SLC30A8: variants seen among roughly 807,000 people sequenced by gnomAD.
SLC30A8 encodes the protein solute carrier family 30 member 8.
A neutral mutation model predicts 36.9 loss-of-function variants in SLC30A8; 27 were observed. The observed-to-expected ratio is 0.73, with a 90% CI of 0.54 to 1.01. The LOEUF (loss-of-function observed/expected upper bound fraction) is 1.01, where lower values mean the gene tolerates loss of function less well. SLC30A8 is among the 50% of genes least tolerant of loss of function. SLC30A8 has a pLI of 0.00. For synonymous variants in SLC30A8, 164 were observed against 172.4 expected, an observed-to-expected ratio of 0.95 and a Z score of 0.38; for missense variants, 439 against 452.0, an observed-to-expected ratio of 0.97 and a Z score of 0.26.
At chr8:117,152,396 AC>A (rs1822233148) in intron 2 of SLC30A8, among the ~76,000 whole-genome samples, 2 of 152,098 alleles carry the variant, frequency 1.3e-5, no homozygotes. Flanking sequence ...ATTGGAAGGT[AC>A]CTGCCCTTTC....
intron 2 of SLC30A8, among the ~76,000 whole-genome samples, chr8:117,106,208 G>A (rs541535859): frequency 2.2e-4 from 33 of 152,188 alleles, no homozygotes; most frequent in Non-Finnish European, 4.3e-4. Context: ...CTAGCCACAT[G>A]TGGTTTTCGA....
rs144972090 is a variant in SLC30A8, at chr8:117,173,443, G to C, written c.*762G>C. ...TCAAGAACAGCCGACAAAAACATTC[G>C]AGTTGACCCCACCAAGTTGTTGCCA... On this transcript the variant is annotated 3_prime_UTR_variant, in exon 8 of 8. Coordinates refer to ENST00000456015, the MANE Select transcript of SLC30A8 (RefSeq NM_173851.3). 6.6e-6 allele frequency: 1 copy of C among 152,116 alleles called. No homozygotes were observed. Among genetic ancestry groups the C allele is most frequent in the East Asian group, 1.9e-4 (1 of 5,184 alleles). 9.4% of individuals were successfully genotyped at this position (152,116 alleles called of 1,614,324 possible). A position where few individuals can be genotyped will look rare whatever the true frequency, so the allele number is the denominator to read the frequency against.
intron 6 of SLC30A8, 116 bp from the exon 7 acceptor site, chr8:117,170,918 C>A: frequency 1.2e-6 from 1 of 813,720 alleles, no homozygotes; most frequent in South Asian, 2.2e-5. Context: ...AAGTAAGAAA[C>A]CAGCAAAGGG....
At chr8:117,112,069 C>A (rs1020755195) in intron 2 of SLC30A8, among the ~76,000 whole-genome samples, 1 of 152,134 alleles carries the variant, frequency 6.6e-6, no homozygotes, top group African/African-American at 2.4e-5. Flanking sequence ...GATGACATTT[C>A]TTCCGTCTCT....
intron 1 of SLC30A8, among the ~76,000 whole-genome samples, chr8:116,979,853 A>G (rs1563732655): frequency 6.6e-6 from 1 of 152,196 alleles, no homozygotes; most frequent in African/African-American, 2.4e-5. Flanking sequence ...GCCAACAAAT[A>G]GCATTCTCTT....
intron 1 of SLC30A8, among the ~76,000 whole-genome samples, chr8:117,034,375 G>T (rs11781617): frequency 6.6e-6 from 1 of 151,964 alleles, no homozygotes; most frequent in South Asian, 2.1e-4. Flanking sequence ...TTAACTGTCC[G>T]TTGTAATTTA....
intron 2 of SLC30A8, among the ~76,000 whole-genome samples, chr8:117,048,930 T>TTA (rs1817630658): frequency 6.6e-6 from 1 of 152,214 alleles, no homozygotes; most frequent in African/African-American, 2.4e-5. Flanking sequence ...GTATCTTGAT[T>TTA]TACAAAGTGC....
chr8:117,048,797 G>A (rs1471380112), intron 2 of SLC30A8, among the ~76,000 whole-genome samples: 3 of 152,092 alleles, frequency 2.0e-5, no homozygotes, highest in East Asian at 1.9e-4. Context: ...AACATTCATT[G>A]CCAAAAATAA....
chr8:116,961,977 T>C lies in SLC30A8; in HGVS notation c.-266+10858T>C, dbSNP rs141678506. Among the ~76,000 whole-genome samples the C allele has an allele frequency of 2.5e-3, 375 of 152,098 alleles. 8 individuals carry two copies. The highest frequency in any genetic ancestry group is 0.015 in the Admixed American group (230 of 15,268). On this transcript the variant is annotated intron_variant, in intron 1 of 10. Coordinates refer to the SLC30A8 transcript ENST00000427715. Reference sequence around the variant, plus strand: ...CATTAGGGATTAAGTTTCTAACACTTGAATTTCTGGGGAACACATTCAAAT... The same window carrying C: ...CATTAGGGATTAAGTTTCTAACACTCGAATTTCTGGGGAACACATTCAAAT...
chr8:117,042,956 G>A (rs184735021), intron 2 of SLC30A8, among the ~76,000 whole-genome samples: 14 of 152,332 alleles, frequency 9.2e-5, no homozygotes, highest in African/African-American at 3.1e-4. Context: ...GATTACAGGC[G>A]TGAGCCACCG....
chr8:117,102,101 C>T (rs1819750609), intron 2 of SLC30A8, among the ~76,000 whole-genome samples: 1 of 152,034 alleles, frequency 6.6e-6, no homozygotes. Flanking sequence ...TTTAAAAAAT[C>T]ATATTGATGT....
chr8:116,997,566 T>G (rs1437316609), intron 1 of SLC30A8, among the ~76,000 whole-genome samples: 3 of 152,096 alleles, frequency 2.0e-5, no homozygotes, highest in Admixed American at 2.0e-4. Flanking sequence ...AACAGGGAAA[T>G]GAAATTTACT....
intron 3 of SLC30A8, 22 bp from the exon 4 acceptor site, chr8:117,157,669 C>CTG: frequency 6.2e-7 from 1 of 1,613,226 alleles, no homozygotes; most frequent in Non-Finnish European, 8.5e-7. Flanking sequence ...GTGTGGGTTT[C>CTG]TGTGTGTGTT....
intron 1 of SLC30A8, among the ~76,000 whole-genome samples, chr8:116,980,328 G>A (rs1815209301): frequency 6.6e-6 from 1 of 152,176 alleles, no homozygotes; most frequent in South Asian, 2.1e-4. Flanking sequence ...CAGGTGATCT[G>A]TAGGGAGAGT....
intron 2 of SLC30A8, among the ~76,000 whole-genome samples, chr8:117,043,540 T>C (rs992355722): frequency 4.6e-5 from 7 of 152,204 alleles, no homozygotes; most frequent in African/African-American, 1.4e-4. Flanking sequence ...ATAAAGGTGA[T>C]TGATAAAGAT....
intron 6 of SLC30A8, among the ~76,000 whole-genome samples, chr8:117,167,188 C>T (rs1823099862): frequency 6.6e-6 from 1 of 151,960 alleles, no homozygotes; most frequent in African/African-American, 2.4e-5. Flanking sequence ...TAGCTCTTCC[C>T]TGGTGATTAT....
At chr8:117,119,125 A>G (rs1267569053) in intron 2 of SLC30A8, among the ~76,000 whole-genome samples, 5 of 151,848 alleles carry the variant, frequency 3.3e-5, no homozygotes, top group East Asian at 3.9e-4. Flanking sequence ...TGTTCTGGAA[A>G]AGGTTCCAGA....
At chr8:116,950,223 A>G (rs1813943775), upstream of SLC30A8, 2 of 160,342 alleles carry the variant, frequency 1.2e-5, no homozygotes, top group Non-Finnish European at 1.3e-5. Context: ...GAGCATGCCC[A>G]GAGCGGACGC....
intron 2 of SLC30A8, among the ~76,000 whole-genome samples, chr8:117,151,963 A>G (rs969732151): frequency 1.3e-5 from 2 of 152,346 alleles, no homozygotes; most frequent in African/African-American, 4.8e-5. Context: ...GTTATTAACT[A>G]CGGCTAGAGC....
Sources: allele counts gnomAD v4.1 joint callset (sites outside exome capture counted in the v4.1 genomes callset), GRCh38; gene constraint gnomAD v4.1.1; transcripts MANE v1.5; gene names NCBI Gene and HGNC (gene_info 2026-07-23, HGNC 2026-07-21).